The following TCF7L2 variants were observed in gnomAD, a reference collection of about 807,000 sequenced individuals.
TCF7L2 encodes transcription factor 7 like 2.
TCF7L2 carries 23 observed loss-of-function variants against 77.9 expected under a neutral mutation model. The observed-to-expected ratio is 0.30, with a 90% CI of 0.21 to 0.42. The LOEUF is 0.42. TCF7L2 is among the 10% of genes least tolerant of loss of function. The pLI is 1.00. For missense variants in TCF7L2, 654 were observed against 793.1 expected (o/e 0.82, Z 2.11); for synonymous variants, 413 against 340.2 (o/e 1.21, Z -2.36).
chr10:112,977,351 A>G (rs1424550314), intron 4 of TCF7L2, among the ~76,000 whole-genome samples: 1 of 152,188 alleles, frequency 6.6e-6, no homozygotes, highest in African/African-American at 2.4e-5. Flanking sequence ...ACAGTTTTTA[A>G]GTTGATTCAG....
chr10:113,070,562 C>T (rs971585083), intron 5 of TCF7L2, among the ~76,000 whole-genome samples: 3 of 152,168 alleles, frequency 2.0e-5, no homozygotes, highest in African/African-American at 7.2e-5. Flanking sequence ...GTGCTAGGCT[C>T]TTTAGGTGCA....
At chr10:113,018,782 T>C (rs2047780037) in intron 4 of TCF7L2, among the ~76,000 whole-genome samples, 1 of 152,186 alleles carries the variant, frequency 6.6e-6, no homozygotes, top group Non-Finnish European at 1.5e-5. Context: ...TCCTGAGTCC[T>C]TTTGTTTGTG....
rs115545944 is a variant in TCF7L2 at position 113,065,964 on chromosome 10, G to A, written c.552+25838G>A. 7.5e-3 allele frequency among the ~76,000 whole-genome samples: 1,142 copies of A among 152,268 alleles called. 19 individuals carry two copies. Among genetic ancestry groups the A allele is most frequent in the African/African-American group, 0.024 (1,017 of 41,536 alleles). On this transcript the variant is annotated intron_variant, in intron 5 of 13. Transcript: ENST00000627217. ...AATTCTTATTATTTGGTTTGTGTCCGTGCATGAAAGCAGAAAGCAGCCAGA... is the reference window on the plus strand; with the variant it reads ...AATTCTTATTATTTGGTTTGTGTCCATGCATGAAAGCAGAAAGCAGCCAGA...
intron 4 of TCF7L2, among the ~76,000 whole-genome samples, chr10:112,979,155 G>T (rs1016029078): frequency 6.6e-6 from 1 of 152,018 alleles, no homozygotes; most frequent in African/African-American, 2.4e-5. Flanking sequence ...TGGAGACTTC[G>T]CCTGTTGAAA....
At chr10:113,127,024 G>A (rs1290801578) in intron 5 of TCF7L2, 9 of 785,152 alleles carry the variant, frequency 1.1e-5, no homozygotes, top group East Asian at 1.3e-4. Flanking sequence ...GTCACTTTGC[G>A]GTAACTTTCA....
At chr10:113,110,107 C>A (rs150183209) in intron 5 of TCF7L2, among the ~76,000 whole-genome samples, 188 of 152,280 alleles carry the variant, frequency 1.2e-3, no homozygotes, top group African/African-American at 3.6e-3. Context: ...CATGATAATT[C>A]TTGACTTCTT....
At chr10:113,158,840 A>T (rs2137390205) in intron 12 of TCF7L2, 123 bp downstream of exon 13, 2 of 991,016 alleles carry the variant, frequency 2.0e-6, no homozygotes, top group East Asian at 2.8e-5. Flanking sequence ...AATGACCATC[A>T]ACACGGTTTC....
intron 4 of TCF7L2, among the ~76,000 whole-genome samples, chr10:113,031,498 T>C (rs1338517103): frequency 1.3e-5 from 2 of 148,810 alleles, no homozygotes; most frequent in Non-Finnish European, 3.0e-5. Flanking sequence ...TTTTTTTTTT[T>C]TCCTTTTGAG....
At chr10:113,115,609 TC>T (rs985907385) in intron 5 of TCF7L2, among the ~76,000 whole-genome samples, 5 of 152,172 alleles carry the variant, frequency 3.3e-5, no homozygotes, top group African/African-American at 4.8e-5. Flanking sequence ...CTTGTGTTTT[TC>T]CCCCCACCAA....
rs11321606 is a variant in TCF7L2 at position 112,976,975 on chromosome 10, C to CT, written c.450+12367dup. ...AGTTGGCTTTTAAAAGCAATATTACCTTTTTTTTTTTTTTTTAAATGTCAG... is the reference window on the plus strand; with the variant it reads ...AGTTGGCTTTTAAAAGCAATATTACCTTTTTTTTTTTTTTTTTAAATGTCAG... On this transcript the variant is annotated intron_variant, in intron 4 of 13. Coordinates refer to ENST00000627217, the MANE Select transcript of TCF7L2 (RefSeq NM_001146274.2). Among the ~76,000 whole-genome samples, 1,025 of 143,272 alleles carry CT rather than the reference C, an allele frequency of 7.2e-3. 17 individuals are homozygous for CT. Among genetic ancestry groups the CT allele is most frequent in the African/African-American group, 0.023 (904 of 38,754 alleles). The allele number at this position is 143,272 out of a possible 152,430, so 94.0% of individuals were successfully genotyped here.
intron 11 of TCF7L2, 123 bp from the exon 12 acceptor site, chr10:113,157,898 G>T (rs1454814379): frequency 5.9e-6 from 6 of 1,014,486 alleles, no homozygotes; most frequent in Non-Finnish European, 8.9e-6. Context: ...AATACCGGGG[G>T]TTTGTGTGGA....
At chr10:113,002,150 G>A (rs1171085342) in intron 4 of TCF7L2, among the ~76,000 whole-genome samples, 1 of 152,160 alleles carries the variant, frequency 6.6e-6, no homozygotes. Flanking sequence ...AGGTTTGTAT[G>A]AGGCCTCGGA....
At chr10:112,951,142 C>T (rs371377404) in intron 1 of TCF7L2, 65 bp from the exon 2 acceptor site, 11 of 1,352,174 alleles carry the variant, frequency 8.1e-6, no homozygotes, top group African/African-American at 3.0e-5. Context: ...TTCTTTTTCT[C>T]CCCCTTCTCC....
intron 5 of TCF7L2, among the ~76,000 whole-genome samples, chr10:113,051,230 CACACACACACACAG>C (rs1474516772): frequency 2.7e-5 from 4 of 148,344 alleles, no homozygotes; most frequent in African/African-American, 9.9e-5. Flanking sequence ...CACACACACA[CACACACACACACAG>C]ACACATACAT....
chr10:113,038,058 TAGTGG>T (rs2051671028), intron 4 of TCF7L2, among the ~76,000 whole-genome samples: 1 of 152,122 alleles, frequency 6.6e-6, no homozygotes, highest in South Asian at 2.1e-4. Flanking sequence ...ATATTTACTT[TAGTGG>T]TTCTCAACTT....
intron 5 of TCF7L2, among the ~76,000 whole-genome samples, chr10:113,047,308 A>C (rs1190912016): frequency 1.3e-5 from 2 of 152,236 alleles, no homozygotes; most frequent in Non-Finnish European, 1.5e-5. Flanking sequence ...TAAGAGAGTT[A>C]TGGTTGGAAT....
chr10:113,056,245 A>T (rs1212083643), intron 5 of TCF7L2, among the ~76,000 whole-genome samples: 1 of 152,366 alleles, frequency 6.6e-6, no homozygotes, highest in African/African-American at 2.4e-5. Flanking sequence ...TGGCAGAGCC[A>T]AGATTCAAAT....
chr10:113,112,943 A>G lies in TCF7L2; in HGVS notation c.553-28241A>G, dbSNP rs546583041. ...GATTATGCTTTTCTGGTGGGTTTCT[A>G]TTTGTCATTGCGGTTTATAAAATGG... On this transcript the variant is annotated intron_variant, in intron 5 of 13. Transcript: ENST00000627217. Among the ~76,000 whole-genome samples the G allele has an allele frequency of 5.4e-4, 82 of 152,224 alleles. No individual in the cohort carries two copies. In the South Asian group the frequency reaches 0.01, roughly 19 times the overall value.
intron 13 of TCF7L2, 113 bp from the exon 15 acceptor site, chr10:113,165,442 C>A: frequency 8.3e-7 from 1 of 1,212,044 alleles, no homozygotes; most frequent in Non-Finnish European, 1.2e-6. Context: ...CTGGGCGTGC[C>A]ACCTCTGTGG....
Sources: allele counts gnomAD v4.1 joint callset (sites outside exome capture counted in the v4.1 genomes callset), GRCh38; gene constraint gnomAD v4.1.1; transcripts MANE v1.5; gene names NCBI Gene and HGNC (gene_info 2026-07-23, HGNC 2026-07-21).